AURKA: variants seen among roughly 807,000 people sequenced by gnomAD.
AURKA encodes aurora kinase A, also known as aurora 2.
Under a neutral mutation model 40.9 loss-of-function variants are expected in AURKA, and 12 were observed. That is an observed-to-expected ratio of 0.29 (90% CI 0.19 to 0.48). The LOEUF is 0.48. AURKA is among the 20% of genes least tolerant of loss of function. The pLI is 0.99. For missense variants in AURKA, 322 were observed against 462.1 expected (o/e 0.70, Z 2.78); for synonymous variants, 170 against 164.3 (o/e 1.03, Z -0.26).
At chr20:56,370,741 T>G in intron 7 of AURKA, 82 bp from the exon 8 acceptor site, 1 of 1,485,598 alleles carries the variant, frequency 6.7e-7, no homozygotes, top group Non-Finnish European at 9.3e-7. Flanking sequence ...AAGAGTCCAC[T>G]AACACTGAGG....
chr20:56,378,910 T>A (rs1332071642), intron 6 of AURKA, among the ~76,000 whole-genome samples: 3 of 150,894 alleles, frequency 2.0e-5, no homozygotes, highest in Non-Finnish European at 4.4e-5. Context: ...AGACACAGGA[T>A]TTTTTTTTTC....
chr20:56,377,963 C>T (rs76272814), intron 6 of AURKA, among the ~76,000 whole-genome samples: 10 of 152,074 alleles, frequency 6.6e-5, no homozygotes, highest in African/African-American at 1.2e-4. Flanking sequence ...ACCAGGATTT[C>T]GAAACCGACC....
At chr20:56,381,656 A>C in intron 5 of AURKA, 85 bp from the exon 6 acceptor site, 1 of 1,548,722 alleles carries the variant, frequency 6.5e-7, no homozygotes, top group Non-Finnish European at 8.8e-7. Flanking sequence ...TCTTCATGTA[A>C]AACCAGTGGT....
At chr20:56,372,876 CAG>C (rs1984450432) in intron 7 of AURKA, among the ~76,000 whole-genome samples, 1 of 152,384 alleles carries the variant, frequency 6.6e-6, no homozygotes, top group East Asian at 1.9e-4. Flanking sequence ...TCAGCTGTGA[CAG>C]GGGATAAGAA....
chr20:56,373,715 C>T lies in AURKA; in HGVS notation c.706-159G>A, dbSNP rs1314151328. On this transcript the variant is annotated intron_variant, in intron 6 of 8. Coordinates refer to ENST00000395915, the MANE Select transcript of AURKA (RefSeq NM_198437.3). The surrounding 1 kb of genome is among the most constrained non-coding windows in gnomAD (Gnocchi z 5.0). Reference sequence around the variant, plus strand: ...CCTATAATCCCAACACTTTGGGGGACTGAGGTGGGAGGATCACTTGAGCCC... The same window carrying T: ...CCTATAATCCCAACACTTTGGGGGATTGAGGTGGGAGGATCACTTGAGCCC... Among the ~76,000 whole-genome samples, 1 of 152,134 alleles carries T rather than the reference C, an allele frequency of 6.6e-6. No homozygotes were observed. Among genetic ancestry groups the T allele is most frequent in the Non-Finnish European group, 1.5e-5 (1 of 68,024 alleles).
At chr20:56,377,862 C>T (rs1043870245) in intron 6 of AURKA, among the ~76,000 whole-genome samples, 6 of 152,088 alleles carry the variant, frequency 3.9e-5, no homozygotes, top group African/African-American at 1.4e-4. Context: ...CACCACATGC[C>T]GATTAGAATA....
At chr20:56,390,105 A>G (rs146221249) in intron 1 of AURKA, among the ~76,000 whole-genome samples, 246 of 152,314 alleles carry the variant, frequency 1.6e-3, no homozygotes, top group African/African-American at 5.7e-3. Flanking sequence ...CCTAACCTGC[A>G]TAGACAGGCC....
At chr20:56,388,264 C>G in intron 1 of AURKA, 62 bp from the exon 2 acceptor site, 1 of 1,438,456 alleles carries the variant, frequency 7.0e-7, no homozygotes, top group Non-Finnish European at 9.8e-7. Flanking sequence ...TGCTGTTGCT[C>G]GATAGGCAGC....
At chr20:56,383,257 T>C in intron 4 of AURKA, 81 bp from the exon 5 acceptor site, 2 of 1,444,144 alleles carry the variant, frequency 1.4e-6, no homozygotes, top group Non-Finnish European at 1.9e-6. Context: ...AGACACATTC[T>C]ACAAATAATT....
At chr20:56,377,668 T>C (rs540549206) in intron 6 of AURKA, among the ~76,000 whole-genome samples, 2 of 152,130 alleles carry the variant, frequency 1.3e-5, no homozygotes, top group East Asian at 3.9e-4. Context: ...GTGCCTGTAG[T>C]CCCAGCTACT....
Position 56,373,305 on chromosome 20 carries a change from C to A in AURKA, c.854+103G>T. The A allele has an allele frequency of 6.4e-7, 1 of 1,559,170 alleles. No homozygotes were observed. Among genetic ancestry groups the A allele is most frequent in the Admixed American group, 1.7e-5 (1 of 59,410 alleles). On this transcript the variant is annotated intron_variant, in intron 7 of 8. Coordinates refer to ENST00000395915, the MANE Select transcript of AURKA (RefSeq NM_198437.3). This position sits in a 1 kb window ranked among gnomAD's most constrained non-coding sequence, Gnocchi z 5.0. ...GTACTTCTGGGTTAGCCACCTACCC[C>A]TCTTACAGCACAAAATCTACACTGA...
intron 6 of AURKA, among the ~76,000 whole-genome samples, chr20:56,377,897 G>A (rs999759179): frequency 6.6e-6 from 1 of 152,160 alleles, no homozygotes; most frequent in Non-Finnish European, 1.5e-5. Context: ...CAAGAGGCCA[G>A]GTATAGTGGC....
At position 56,372,762 on chromosome 20, in the gene AURKA, G is replaced by C. The variant is rs531764825; in HGVS notation, c.854+646C>G. Among the ~76,000 whole-genome samples, 5 of 152,268 alleles carry C rather than the reference G, an allele frequency of 3.3e-5. No individual in the cohort carries two copies. In the South Asian group the frequency reaches 8.3e-4, roughly 25 times the overall value. On this transcript the variant is annotated intron_variant, in intron 7 of 8. Transcript: ENST00000395915. ...TATGTTTTAAAATGCCCCACTTCATGTGAAGTTTCAAAGCTTATTTAAACT... is the reference window on the plus strand; with the variant it reads ...TATGTTTTAAAATGCCCCACTTCATCTGAAGTTTCAAAGCTTATTTAAACT...
At chr20:56,370,730 A>C (rs1057337953) in intron 7 of AURKA, 71 bp from the exon 8 acceptor site, 52 of 1,548,616 alleles carry the variant, frequency 3.4e-5, no homozygotes, top group Non-Finnish European at 4.3e-5. Flanking sequence ...AACAATCATT[A>C]AAGAGTCCAC....
At chr20:56,380,767 TG>T (rs1985608790) in intron 6 of AURKA, among the ~76,000 whole-genome samples, 1 of 152,232 alleles carries the variant, frequency 6.6e-6, no homozygotes, top group South Asian at 2.1e-4. Context: ...ACTTTACCTC[TG>T]ATCTCCCTCT....
At position 56,372,836 on chromosome 20, in the gene AURKA, T is replaced by C. The variant is rs115184123; in HGVS notation, c.854+572A>G. On this transcript the variant is annotated intron_variant, in intron 7 of 8. Transcript: ENST00000395915. ...TGTAGTTCACTTGGAAAGCTAAGAT[T>C]TGAATTGTTTTGAGACTGACATCTC... is the stretch of plus-strand genomic sequence containing the variant. 3.5e-3 allele frequency among the ~76,000 whole-genome samples: 528 copies of C among 152,318 alleles called. 2 individuals are homozygous for C. The highest frequency in any genetic ancestry group is 0.012 in the African/African-American group (503 of 41,578).
At chr20:56,378,983 G>A (rs535909026) in intron 6 of AURKA, among the ~76,000 whole-genome samples, 6 of 151,968 alleles carry the variant, frequency 3.9e-5, no homozygotes, top group Non-Finnish European at 8.8e-5. Flanking sequence ...TGTATTTGTC[G>A]AAATTCATAG....
At position 56,388,212 on chromosome 20, in the gene AURKA, A is replaced by G; in HGVS notation, c.-5-10T>C. The G allele has an allele frequency of 9.6e-7, 1 of 1,037,844 alleles. No homozygotes were observed. Among genetic ancestry groups the G allele is most frequent in the East Asian group, 9.8e-5 (1 of 10,224 alleles). 64.3% of individuals were successfully genotyped at this position (1,037,844 alleles called of 1,614,324 possible). A position where few individuals can be genotyped will look rare whatever the true frequency, so the allele number is the denominator to read the frequency against. ...GATCGGTCCATGATGCCTGAAAAGA[A>G]AAAGAAGAACCTTTAATTTGAACAA... On this transcript the variant is annotated splice_polypyrimidine_tract_variant and intron_variant, in intron 1 of 8. Transcript: ENST00000395915.
intron 6 of AURKA, among the ~76,000 whole-genome samples, chr20:56,376,561 G>A (rs1035313730): frequency 1.3e-5 from 2 of 149,632 alleles, no homozygotes; most frequent in East Asian, 3.9e-4. Flanking sequence ...ATGCCAAAAA[G>A]AGAACTAATG....
Sources: allele counts gnomAD v4.1 joint callset (sites outside exome capture counted in the v4.1 genomes callset), GRCh38; gene constraint gnomAD v4.1.1; non-coding constraint Gnocchi (gnomAD v3.1); transcripts MANE v1.5; gene names NCBI Gene and HGNC (gene_info 2026-07-23, HGNC 2026-07-21).